The following PRRC2B variants were observed in gnomAD, a reference collection of about 807,000 sequenced individuals.
PRRC2B encodes the protein proline rich coiled-coil 2B, also known as protein PRRC2B.
PRRC2B carries 68 observed loss-of-function variants against 242.3 expected under a neutral mutation model. The observed-to-expected ratio is 0.28, with a 90% confidence interval of 0.23 to 0.34. PRRC2B has a LOEUF of 0.34. PRRC2B is among the 10% of genes least tolerant of loss of function. The pLI is 1.00. For missense variants in PRRC2B, 2,835 were observed against 2,954.8 expected (o/e 0.96, Z 0.94); for synonymous variants, 1,228 against 1,173.6 (o/e 1.05, Z -0.95).
Position 131,477,862 on chromosome 9 carries a change from A to G in PRRC2B, c.4525A>G (p.Lys1509Glu), listed in dbSNP as rs1303366976. The G allele has an allele frequency of 1.9e-6, 3 of 1,613,856 alleles. No individual in the cohort carries two copies. The highest frequency in any genetic ancestry group is 2.5e-6 in the Non-Finnish European group (3 of 1,179,846). ...ASADLPEASS[K>E]KAEKEAKLAA... ...TGCTGACCTTCCCGAAGCCTCCAGT[A>G]AAAAGGCAGAGAAGGAGGCCAAGTT... The change falls in exon 17 of 32, where the codon AAA becomes GAA. Residue 1509 changes from lysine to glutamate, a missense_variant. Around this residue, in one of 7 missense-constraint regions of PRRC2B, gnomAD observed 1,536 missense variants for 1,483.1 expected, o/e 1.04. Transcript: ENST00000683519.
chr9:131,405,531 C>T (rs925240656), intron 1 of PRRC2B, among the ~76,000 whole-genome samples: 6 of 152,128 alleles, frequency 3.9e-5, no homozygotes, highest in African/African-American at 1.2e-4. Context: ...AACCTCTTGG[C>T]GTCACTTGCC....
intron 1 of PRRC2B, among the ~76,000 whole-genome samples, chr9:131,423,068 C>G (rs191076545): frequency 5.3e-4 from 81 of 152,302 alleles, no homozygotes; most frequent in Admixed American, 1.4e-3. Flanking sequence ...TGGGTTGTGT[C>G]TGCTTCATAT....
Position 131,475,418 on chromosome 9 carries a change from C to T in PRRC2B, c.3289C>T (p.Arg1097Cys), listed in dbSNP as rs777712387. 13 of 1,576,690 alleles carry T rather than the reference C, an allele frequency of 8.2e-6. No individual in the cohort carries two copies. Among genetic ancestry groups the T allele is most frequent in the African/African-American group, 1.4e-5 (1 of 73,318 alleles). The change falls in exon 16 of 32, where the codon CGC becomes TGC. Residue 1097 changes from arginine to cysteine, a missense_variant. This residue lies in a region of PRRC2B where 1,536 missense variants were observed against 1,483.1 expected (regional missense o/e 1.04). Coordinates refer to ENST00000683519, the MANE Select transcript of PRRC2B (RefSeq NM_013318.4). ...CTGTGGTGGGGGGGTCCTGGGGGCC[C>T]GCAGCATCTACTGCAGCAGTCAGCG... ...GLCGGGVLGA[R>C]SIYCSSQRSG...
At chr9:131,433,300 A>G (rs1483269197) in intron 3 of PRRC2B, among the ~76,000 whole-genome samples, 5 of 152,220 alleles carry the variant, frequency 3.3e-5, no homozygotes, top group African/African-American at 1.2e-4. Context: ...AGACCTAGTC[A>G]TCAGTGAGAA....
At chr9:131,432,270 G>C (rs934566582) in intron 2 of PRRC2B, among the ~76,000 whole-genome samples, 2 of 152,292 alleles carry the variant, frequency 1.3e-5, no homozygotes. Context: ...GACCAGAGCT[G>C]TCTCAACTTG....
chr9:131,379,966 G>T (rs1323787701), intron 1 of PRRC2B, among the ~76,000 whole-genome samples: 1 of 146,928 alleles, frequency 6.8e-6, no homozygotes, highest in Non-Finnish European at 1.5e-5. Flanking sequence ...TTGTTCTTGA[G>T]TTGTAAGAGT....
At chr9:131,420,482 T>G (rs577499779) in intron 1 of PRRC2B, among the ~76,000 whole-genome samples, 216 of 15,238 alleles carry the variant, frequency 0.014, 17 homozygotes, top group African/African-American at 0.03. Context: ...TCTTTCTTTC[T>G]TTCTTTCTTT....
chr9:131,478,586 G>A lies in PRRC2B; in HGVS notation c.4725G>A (p.Glu1575=). 1 of 1,588,928 alleles carries A rather than the reference G, an allele frequency of 6.3e-7. No individual in the cohort carries two copies. The highest frequency in any genetic ancestry group is 1.1e-5 in the South Asian group (1 of 90,670). ...CCAAGAAGCAGCGCCGCCTGCTGGAGGAAGAGAGAAGAAAGAAGGAGCAGG... is the reference window on the plus strand; with the variant it reads ...CCAAGAAGCAGCGCCGCCTGCTGGAAGAAGAGAGAAGAAAGAAGGAGCAGG... The part of the protein sequence containing the change: ...VLTKKQRRLL[E]EERRKKEQAV... Residue 1575 remains glutamate (E), a synonymous_variant, in exon 18 of 32, where the codon GAG becomes GAA. Coordinates refer to ENST00000683519, the MANE Select transcript of PRRC2B (RefSeq NM_013318.4).
intron 9 of PRRC2B, among the ~76,000 whole-genome samples, chr9:131,448,928 G>A (rs187286372): frequency 3.2e-4 from 48 of 152,142 alleles, no homozygotes; most frequent in Admixed American, 1.4e-3. Context: ...CCTCACCACC[G>A]CAGGCTTCCT....
intron 1 of PRRC2B, among the ~76,000 whole-genome samples, chr9:131,421,244 A>G (rs1837830754): frequency 6.6e-6 from 1 of 152,216 alleles, no homozygotes; most frequent in African/African-American, 2.4e-5. Flanking sequence ...ACCAAGTGAC[A>G]CAGGGTCTGG....
chr9:131,420,469 CTTTCTTTCTTTCTTTCTTTCTTTCT>C (rs1837785899), intron 1 of PRRC2B, among the ~76,000 whole-genome samples: 1 of 10,636 alleles, frequency 9.4e-5, no homozygotes, highest in African/African-American at 2.0e-4. Flanking sequence ...TTCTTTCTTT[CTTTCTTTCTTTCTTTCTTTCTTTCT>C]TTTTTTTTTT....
intron 13 of PRRC2B, among the ~76,000 whole-genome samples, chr9:131,468,571 A>C (rs376917076): frequency 1.3e-5 from 2 of 152,302 alleles, no homozygotes; most frequent in East Asian, 3.9e-4. Flanking sequence ...ACTCATCAGC[A>C]ATCGTGCCTA....
At chr9:131,481,311 CAAA>C (rs11404767) in intron 19 of PRRC2B, among the ~76,000 whole-genome samples, 9,146 of 78,964 alleles carry the variant, frequency 0.12, 263 homozygotes, top group Middle Eastern at 0.25. Context: ...ACTCCGTCTC[CAAA>C]AAAAAAAAAA....
chr9:131,384,801 C>T (rs746089759), intron 1 of PRRC2B, among the ~76,000 whole-genome samples: 1 of 152,114 alleles, frequency 6.6e-6, no homozygotes, highest in Non-Finnish European at 1.5e-5. Flanking sequence ...GTGATCCACC[C>T]ACCTTAGCCT....
Position 131,438,947 on chromosome 9 carries a change from A to G in PRRC2B, c.397-42A>G, listed in dbSNP as rs199844817. The G allele has an allele frequency of 2.0e-6, 3 of 1,494,510 alleles. No homozygotes were observed. The African/African-American group carries it at 4.1e-5, about 21-fold the overall frequency. The allele number at this position is 1,494,510 out of a possible 1,614,324, so 92.6% of individuals were successfully genotyped here. On this transcript the variant is annotated intron_variant, in intron 4 of 31. Transcript: ENST00000683519. ...TAATAGGCTGTTATTGTACAGTGGA[A>G]TAAGGGAGCTGGCCCTCTTCTGATT...
At chr9:131,424,263 CTGTCAGT>C (rs1403040154) in intron 1 of PRRC2B, among the ~76,000 whole-genome samples, 1 of 151,926 alleles carries the variant, frequency 6.6e-6, no homozygotes, top group African/African-American at 2.4e-5. Flanking sequence ...ATTTCTGTGG[CTGTCAGT>C]TGTCAACATT....
intron 28 of PRRC2B, among the ~76,000 whole-genome samples, chr9:131,489,687 G>T (rs1447283804): frequency 6.6e-6 from 1 of 152,078 alleles, no homozygotes; most frequent in Non-Finnish European, 1.5e-5. Context: ...CAGGAAACAG[G>T]AGCAGTGACA....
rs539689976 is a variant in PRRC2B at position 131,417,493 on chromosome 9, GCCTGC to G, written c.-51-12599_-51-12595del. 4.1e-4 allele frequency among the ~76,000 whole-genome samples: 62 copies of G among 152,194 alleles called. No individual in the cohort carries two copies. The South Asian group carries it at 0.013, about 31-fold the overall frequency. On this transcript the variant is annotated intron_variant, in intron 1 of 31. Coordinates refer to ENST00000683519, the MANE Select transcript of PRRC2B (RefSeq NM_013318.4). Reference sequence around the variant, plus strand: ...CCCACCTTCCCCTTTCATGCAAGGTGCCTGCCACCTCCTACGACCTCCTGAGCCTT... The same window carrying G: ...CCCACCTTCCCCTTTCATGCAAGGTGCACCTCCTACGACCTCCTGAGCCTT...
chr9:131,396,180 G>A (rs1837049556), intron 1 of PRRC2B, among the ~76,000 whole-genome samples: 1 of 152,070 alleles, frequency 6.6e-6, no homozygotes, highest in African/African-American at 2.4e-5. Context: ...TCTCTCCATA[G>A]GAAGGTGATG....
Sources: gnomAD v4.1 joint callset for allele counts (sites outside exome capture counted in the v4.1 genomes callset) on GRCh38, gnomAD v4.1.1 for gene constraint, gnomAD v4.1.1 regional missense constraint, MANE v1.5 for transcripts, NCBI Gene and HGNC (gene_info 2026-07-23, HGNC 2026-07-21) for gene names.